The following CTR9 variants were observed in gnomAD, a reference collection of about 807,000 sequenced individuals.
The protein encoded by CTR9 is CTR9 component of Paf1/RNA polymerase II complex.
CTR9 carries 41 observed loss-of-function variants against 152.1 expected under a neutral mutation model. The ratio of observed to expected loss-of-function variants is 0.27; its 90% CI spans 0.21 to 0.35. The LOEUF (loss-of-function observed/expected upper bound fraction) is 0.35, where lower values mean the gene tolerates loss of function less well. Ranked by LOEUF, CTR9 falls within the 10% of genes least tolerant of loss-of-function variation. The pLI is 1.00. For synonymous variants in CTR9, 476 were observed against 496.2 expected (o/e 0.96, Z 0.54); for missense variants, 917 against 1,424.4 (o/e 0.64, Z 5.73).
chr11:10,755,357 G>T (rs910451836), intron 3 of CTR9, among the ~76,000 whole-genome samples, 160 bp downstream of exon 3: 2 of 152,080 alleles, frequency 1.3e-5, no homozygotes, highest in African/African-American at 4.8e-5. Flanking sequence ...GGAATGCTTT[G>T]GTTTTTGTAC....
At chr11:10,771,858 A>G (rs182458547) in intron 19 of CTR9, among the ~76,000 whole-genome samples, 24 of 152,268 alleles carry the variant, frequency 1.6e-4, no homozygotes, top group East Asian at 7.7e-4. Context: ...TATGTCAGCT[A>G]TGTCAGCCTA....
rs774921914 is a variant in CTR9 at position 10,752,658 on chromosome 11, CT to C, written c.46-10del. 192 of 1,583,376 alleles carry C rather than the reference CT, an allele frequency of 1.2e-4. No homozygotes were observed. Among genetic ancestry groups the C allele is most frequent in the Non-Finnish European group, 1.6e-4 (183 of 1,153,236 alleles). Reference sequence around the variant, plus strand: ...AAGTGGAATAAGAGTTAAGACCTACCTTTTGTATTTTAGGTCATTGAACTTG... The same window carrying C: ...AAGTGGAATAAGAGTTAAGACCTACCTTTGTATTTTAGGTCATTGAACTTG... On this transcript the variant is annotated splice_polypyrimidine_tract_variant and intron_variant, in intron 1 of 24. Transcript: ENST00000361367.
chr11:10,771,092 T>A (rs1414350682), intron 18 of CTR9, among the ~76,000 whole-genome samples: 1 of 152,246 alleles, frequency 6.6e-6, no homozygotes, highest in South Asian at 2.1e-4. Context: ...AATAGTTTTA[T>A]TCAGTTCAGC....
Position 10,753,671 on chromosome 11 carries a change from A to G in CTR9, c.144+901A>G, listed in dbSNP as rs11042952. On this transcript the variant is annotated intron_variant, in intron 2 of 24. Coordinates refer to ENST00000361367, the MANE Select transcript of CTR9 (RefSeq NM_014633.5). ...TTTTTTTAAAACCAGATGGTAATTT[A>G]GATGTATATATAATATATATTATAT... 7.4e-3 allele frequency among the ~76,000 whole-genome samples: 1,107 copies of G among 148,706 alleles called. 11 individuals are homozygous for G. Among genetic ancestry groups the G allele is most frequent in the Non-Finnish European group, 0.011 (718 of 67,352 alleles).
At position 10,775,679 on chromosome 11, in the gene CTR9, T is replaced by A. The variant is rs752966603; in HGVS notation, c.3095+46T>A. ...AAATTCTTCTCATGATGTAGATAAATCAAAAGTGATTACTAATCAGCCTGT... is the reference window on the plus strand; with the variant it reads ...AAATTCTTCTCATGATGTAGATAAAACAAAAGTGATTACTAATCAGCCTGT... On this transcript the variant is annotated intron_variant, in intron 24 of 24. Transcript: ENST00000361367. The A allele has an allele frequency of 5.5e-6, 7 of 1,272,088 alleles. No homozygotes were observed. In the South Asian group the frequency reaches 9.0e-5, roughly 16 times the overall value. 78.8% of individuals were successfully genotyped at this position (1,272,088 alleles called of 1,614,324 possible).
rs1255175669 is a variant in CTR9, at chr11:10,778,975, A to G, written c.3392A>G (p.Asp1131Gly). ...CCAGCTTCTCCAAGTGCCGAATCAG[A>G]TCACGAATCGGAGAGAGGATCTGAT... ...SRPASPSAES[D>G]HESERGSDNE... is the part of the protein sequence containing the mutation. The change falls in exon 25 of 25, where the codon GAT (aspartate) becomes GGT (glycine). Residue 1131 changes from aspartate to glycine, a missense_variant. Around this residue, in one of 9 missense-constraint regions of CTR9, gnomAD observed 384 missense variants for 398.4 expected, o/e 0.96. Transcript: ENST00000361367. The G allele has an allele frequency of 6.2e-6, 10 of 1,614,088 alleles. No individual in the cohort carries two copies. The African/African-American group carries it at 1.3e-4, about 22-fold the overall frequency.
At chr11:10,771,014 T>C (rs1327542261) in intron 18 of CTR9, among the ~76,000 whole-genome samples, 2 of 152,244 alleles carry the variant, frequency 1.3e-5, no homozygotes. Context: ...TTTACACCAA[T>C]GTGTCTTTTA....
At chr11:10,761,874 C>A in intron 6 of CTR9, 73 bp from the exon 7 acceptor site, 3 of 937,722 alleles carry the variant, frequency 3.2e-6, no homozygotes, top group Non-Finnish European at 4.9e-6. Context: ...TTTCTTGTGA[C>A]TAAAGAAAAC....
At chr11:10,769,332 G>A (rs1292377989) in intron 16 of CTR9, among the ~76,000 whole-genome samples, 1 of 152,176 alleles carries the variant, frequency 6.6e-6, no homozygotes, top group Non-Finnish European at 1.5e-5. Context: ...GTCATACTCA[G>A]CATCCATAAA....
rs1863173380 is a variant in CTR9 at position 10,773,263 on chromosome 11, G to C, written c.2717G>C (p.Gly906Ala). The C allele has an allele frequency of 3.1e-6, 5 of 1,611,660 alleles. No individual in the cohort carries two copies. The highest frequency in any genetic ancestry group is 4.2e-6 in the Non-Finnish European group (5 of 1,179,494). The change falls in exon 21 of 25, where the codon GGT becomes GCT. Residue 906 changes from glycine to alanine, a missense_variant. Transcript: ENST00000361367. ...EATKEKKRGG[G>A]GGRRSKKGGE... ...ACAAAAGAGAAGAAAAGAGGTGGTG[G>C]TGGTGGACGGGTAAGATATAATTCC...
intron 6 of CTR9, among the ~76,000 whole-genome samples, chr11:10,761,660 G>A (rs1036525301): frequency 5.9e-5 from 9 of 151,992 alleles, no homozygotes; most frequent in Non-Finnish European, 1.3e-4. Context: ...GGCTCTTTGT[G>A]GGAGAAGTAG....
rs1331454372 is a variant in CTR9, at chr11:10,767,185, T to A, written c.1687-621T>A. On this transcript the variant is annotated intron_variant, in intron 13 of 24. Transcript: ENST00000361367. This position sits in a 1 kb window ranked among gnomAD's most constrained non-coding sequence, Gnocchi z 4.0. ...TATTTTCAAACAATTTTTTAATGAT[T>A]TAACAATTTTTGTAAATCATTTTCA... The A allele has an allele frequency of 3.9e-5, 6 of 152,860 alleles. No homozygotes were observed. The highest frequency in any genetic ancestry group is 1.4e-4 in the African/African-American group (6 of 41,460). 9.5% of individuals were successfully genotyped at this position (152,860 alleles called of 1,614,324 possible). A position where few individuals can be genotyped will look rare whatever the true frequency, so the allele number is the denominator to read the frequency against.
chr11:10,761,255 G>A lies in CTR9; in HGVS notation c.742-692G>A, dbSNP rs184973016. 2.0e-5 allele frequency among the ~76,000 whole-genome samples: 3 copies of A among 152,268 alleles called. No individual in the cohort carries two copies. The East Asian group carries it at 5.8e-4, about 29-fold the overall frequency. The stretch of plus-strand genomic sequence containing the variant: ...CTTAGGCCAGAGGAAAAGATTATCT[G>A]GACTGGTGTAGATCAATCATGATTC... On this transcript the variant is annotated intron_variant, in intron 6 of 24. Coordinates refer to ENST00000361367, the MANE Select transcript of CTR9 (RefSeq NM_014633.5).
At chr11:10,769,274 G>T (rs1281140481) in intron 16 of CTR9, among the ~76,000 whole-genome samples, 3 of 152,104 alleles carry the variant, frequency 2.0e-5, no homozygotes, top group South Asian at 2.1e-4. Context: ...AATGACTGTA[G>T]AATTTTTTTA....
intron 6 of CTR9, among the ~76,000 whole-genome samples, 170 bp downstream of exon 6, chr11:10,760,491 G>C (rs117150241): frequency 6.6e-6 from 1 of 151,644 alleles, no homozygotes; most frequent in Non-Finnish European, 1.5e-5. Context: ...TACCCCAAAA[G>C]CAAACTTATA....
intron 12 of CTR9, among the ~76,000 whole-genome samples, chr11:10,765,936 C>G (rs1030476768): frequency 7.2e-5 from 11 of 152,044 alleles, no homozygotes; most frequent in Non-Finnish European, 1.5e-4. Context: ...CAACAACTTA[C>G]ATTTGTGTAG....
rs1037662122 is a variant in CTR9 at position 10,763,895 on chromosome 11, A to G, written c.1194+16A>G. 1 of 1,563,360 alleles carries G rather than the reference A, an allele frequency of 6.4e-7. No homozygotes were observed. Among genetic ancestry groups the G allele is most frequent in the African/African-American group, 1.4e-5 (1 of 72,886 alleles). Reference sequence around the variant, plus strand: ...TATTGCCAAGGTACATCTTTTTTTTAAAGTCTTAGCTGTTTTCTGTTAGCT... The same window carrying G: ...TATTGCCAAGGTACATCTTTTTTTTGAAGTCTTAGCTGTTTTCTGTTAGCT... On this transcript the variant is annotated intron_variant, in intron 9 of 24. Transcript: ENST00000361367.
Position 10,768,180 on chromosome 11 carries a change from T to C in CTR9, c.1960+19T>C, listed in dbSNP as rs1022328143. The C allele has an allele frequency of 8.1e-6, 13 of 1,601,780 alleles. No homozygotes were observed. Among genetic ancestry groups the C allele is most frequent in the Non-Finnish European group, 1.0e-5 (12 of 1,170,598 alleles). Reference sequence around the variant, plus strand: ...GGCATAGGTGATTATAAGACTTGAGTACCCATAACAATTTGTTTCAAATGA... The same window carrying C: ...GGCATAGGTGATTATAAGACTTGAGCACCCATAACAATTTGTTTCAAATGA... On this transcript the variant is annotated intron_variant, in intron 15 of 24. Transcript: ENST00000361367.
Position 10,774,128 on chromosome 11 carries a change from A to AGAT in CTR9, c.2847_2849dup (p.Asp949dup). 6.2e-7 allele frequency: 1 copy of AGAT among 1,605,150 alleles called. No individual in the cohort carries two copies. Among genetic ancestry groups the AGAT allele is most frequent in the South Asian group, 1.1e-5 (1 of 90,848 alleles). On this transcript the variant is annotated inframe_insertion, in exon 22 of 25. Transcript: ENST00000361367. ...GTAGTGGCAGTGAACAAGAAGGTGAAGATGAGGAGGGTGGTGAGAGAAAGA... is the reference window on the plus strand; with the variant it reads ...GTAGTGGCAGTGAACAAGAAGGTGAAGATGATGAGGAGGGTGGTGAGAGAAAGA...
Sources: allele counts gnomAD v4.1 joint callset (sites outside exome capture counted in the v4.1 genomes callset), GRCh38; gene constraint gnomAD v4.1.1; regional missense constraint gnomAD v4.1.1; non-coding constraint Gnocchi (gnomAD v3.1); transcripts MANE v1.5; gene names NCBI Gene and HGNC (gene_info 2026-07-23, HGNC 2026-07-21).